The following XRN1 variants were observed in gnomAD, a reference collection of about 807,000 sequenced individuals.
XRN1 encodes strand-exchange protein 1 homolog.
A neutral mutation model predicts 222.3 loss-of-function variants in XRN1; 67 were observed. That is an observed-to-expected ratio of 0.30 (90% CI 0.25 to 0.37). XRN1 has a LOEUF of 0.37. XRN1 is among the 10% of genes least tolerant of loss of function. XRN1 has a pLI of 1.00. For missense variants in XRN1, 1,707 were observed against 2,000.2 expected (o/e 0.85, Z 2.80); for synonymous variants, 643 against 652.4 (o/e 0.99, Z 0.22).
intron 20 of XRN1, among the ~76,000 whole-genome samples, chr3:142,392,080 C>T (rs1245431224): frequency 1.3e-5 from 2 of 151,898 alleles, no homozygotes; most frequent in South Asian, 4.2e-4. Context: ...CTGAAGGTTC[C>T]ACCACTTCCC....
At chr3:142,433,294 C>T (rs2069711084) in intron 1 of XRN1, among the ~76,000 whole-genome samples, 1 of 152,156 alleles carries the variant, frequency 6.6e-6, no homozygotes, top group African/African-American at 2.4e-5. Context: ...CATCAAAAGG[C>T]TGTTTGTACA....
Position 142,423,626 on chromosome 3 carries a change from G to A in XRN1, c.644C>T (p.Thr215Ile), listed in dbSNP as rs753992966. 6.3e-7 allele frequency: 1 copy of A among 1,591,468 alleles called. No homozygotes were observed. Among genetic ancestry groups the A allele is most frequent in the Non-Finnish European group, 8.5e-7 (1 of 1,171,610 alleles). ...LDADLIMLGL[T>I]SHEAHFSLLR... ...GAGAGAAAAATGTGCCTCATGACTTGTTAATCCAAGCATAATCTGTTGAAA... is the reference window on the plus strand; with the variant it reads ...GAGAGAAAAATGTGCCTCATGACTTATTAATCCAAGCATAATCTGTTGAAA... Residue 215 changes from threonine (T) to isoleucine (I), a missense_variant, in exon 6 of 41, where the codon ACA becomes ATA. Physicochemically the swap from Thr to Ile is moderately conservative, Grantham distance 89. This residue lies in a region of XRN1 where 1,234 missense variants were observed against 1,518.2 expected (regional missense o/e 0.81). Coordinates refer to ENST00000392981, the MANE Select transcript of XRN1 (RefSeq NM_001282857.2).
At chr3:142,332,292 C>A in intron 36 of XRN1, 83 bp downstream of exon 36, 1 of 1,094,614 alleles carries the variant, frequency 9.1e-7, no homozygotes, top group Non-Finnish European at 1.3e-6. Context: ...GCAGTTTTAT[C>A]TTTAAAAGTA....
intron 37 of XRN1, among the ~76,000 whole-genome samples, chr3:142,320,245 C>CT (rs1257733242): frequency 5.3e-5 from 8 of 152,030 alleles, no homozygotes; most frequent in Non-Finnish European, 5.9e-5. Flanking sequence ...TGTTTTTTGA[C>CT]TTTTTTAATA....
chr3:142,413,357 G>T (rs538403241), intron 14 of XRN1, among the ~76,000 whole-genome samples: 4 of 152,262 alleles, frequency 2.6e-5, no homozygotes, highest in South Asian at 4.1e-4. Flanking sequence ...GTATTAAAGC[G>T]TATTGTATCC....
rs778861000 is a variant in XRN1 at position 142,347,362 on chromosome 3, TA to T, written c.3769-21del. 2.1e-6 allele frequency: 3 copies of T among 1,452,734 alleles called. No individual in the cohort carries two copies. The South Asian group carries it at 4.2e-5, about 20-fold the overall frequency. The allele number at this position is 1,452,734 out of a possible 1,614,324, so 90.0% of individuals were successfully genotyped here. A position where few individuals can be genotyped will look rare whatever the true frequency, so the allele number is the denominator to read the frequency against. On this transcript the variant is annotated intron_variant, in intron 32 of 40. Transcript: ENST00000392981. ...TGCACCCTGAAAATTAAAATTCTTA[TA>T]AATTAAACAAAATCTTAATATTATA...
chr3:142,321,015 T>C (rs1330753670), intron 37 of XRN1, among the ~76,000 whole-genome samples: 1 of 152,062 alleles, frequency 6.6e-6, no homozygotes, highest in Non-Finnish European at 1.5e-5. Flanking sequence ...AATTTTCATA[T>C]ATTATGTTAG....
chr3:142,428,512 C>A (rs1486227243), intron 2 of XRN1, among the ~76,000 whole-genome samples: 2 of 151,508 alleles, frequency 1.3e-5, no homozygotes, highest in African/African-American at 2.4e-5. Flanking sequence ...TTGACAGGAA[C>A]AAGGTAAGAC....
chr3:142,446,158 C>T (rs1225344664), intron 1 of XRN1, among the ~76,000 whole-genome samples: 1 of 152,190 alleles, frequency 6.6e-6, no homozygotes, highest in African/African-American at 2.4e-5. Flanking sequence ...AAACTGAAAA[C>T]CTATGCTACT....
intron 20 of XRN1, among the ~76,000 whole-genome samples, chr3:142,386,887 C>T (rs927467976): frequency 6.6e-6 from 1 of 152,020 alleles, no homozygotes; most frequent in Admixed American, 6.6e-5. Flanking sequence ...GCTGGTAGAG[C>T]GTAAATTGAT....
chr3:142,435,099 G>A (rs1559883584), intron 1 of XRN1: 1 of 152,156 alleles, frequency 6.6e-6, no homozygotes, highest in Non-Finnish European at 1.5e-5. Context: ...TTGCAAATTA[G>A]AAGTCAACAT....
intron 39 of XRN1, chr3:142,313,031 T>C: frequency 7.6e-7 from 1 of 1,308,062 alleles, no homozygotes; most frequent in Non-Finnish European, 1.1e-6. Context: ...ATACAAGTTT[T>C]AGGAATATTT....
intron 37 of XRN1, among the ~76,000 whole-genome samples, chr3:142,327,713 G>A (rs11717757): frequency 0.18 from 27,428 of 151,984 alleles, 2,624 homozygotes; most frequent in East Asian, 0.28. Context: ...TGCGAGTGCA[G>A]TTTTGTTACA....
intron 37 of XRN1, among the ~76,000 whole-genome samples, chr3:142,325,271 T>C (rs1005994160): frequency 6.6e-6 from 1 of 152,112 alleles, no homozygotes; most frequent in Admixed American, 6.5e-5. Context: ...GCCATTTTAA[T>C]TGGAGATATA....
At position 142,447,948 on chromosome 3, in the gene XRN1, G is replaced by T; in HGVS notation, c.-4C>A. 6.2e-7 allele frequency: 1 copy of T among 1,613,756 alleles called. No individual in the cohort carries two copies. Among genetic ancestry groups the T allele is most frequent in the Non-Finnish European group, 8.5e-7 (1 of 1,179,940 alleles). On this transcript the variant is annotated 5_prime_UTR_variant, in exon 1 of 41. Coordinates refer to ENST00000392981, the MANE Select transcript of XRN1 (RefSeq NM_001282857.2). The surrounding 1 kb of genome is among the most constrained non-coding windows in gnomAD (Gnocchi z 4.2). ...TGTAAAACTTGGGGACTCCCATTTC[G>T]ATCGTCAACACTAATCCCAGTCAGG... is the stretch of plus-strand genomic sequence containing the variant.
chr3:142,412,040 G>A (rs892293115), intron 15 of XRN1, among the ~76,000 whole-genome samples: 1 of 151,766 alleles, frequency 6.6e-6, no homozygotes, highest in Non-Finnish European at 1.5e-5. Context: ...TAGCCAGGAT[G>A]GTCTCGATCT....
intron 2 of XRN1, among the ~76,000 whole-genome samples, chr3:142,428,431 A>C (rs1348484504): frequency 1.3e-5 from 2 of 151,626 alleles, no homozygotes; most frequent in African/African-American, 4.9e-5. Flanking sequence ...CTGTTCTGAG[A>C]TTACACTCTA....
intron 21 of XRN1, among the ~76,000 whole-genome samples, chr3:142,384,303 C>T (rs969391103): frequency 7.4e-5 from 11 of 148,772 alleles, no homozygotes; most frequent in African/African-American, 2.5e-4. Flanking sequence ...AAAAAGCATA[C>T]GAAAGCATAA....
chr3:142,442,926 G>T (rs2070300844), intron 1 of XRN1, among the ~76,000 whole-genome samples: 1 of 152,064 alleles, frequency 6.6e-6, no homozygotes, highest in Admixed American at 6.5e-5. Flanking sequence ...GTAGAGACGG[G>T]GTTTCACCGT....
Sources: allele counts gnomAD v4.1 joint callset (sites outside exome capture counted in the v4.1 genomes callset), GRCh38; gene constraint gnomAD v4.1.1; regional missense constraint gnomAD v4.1.1; non-coding constraint Gnocchi (gnomAD v3.1); transcripts MANE v1.5; gene names NCBI Gene and HGNC (gene_info 2026-07-23, HGNC 2026-07-21).